Variants in EFNA5 observed in about 807,000 individuals in gnomAD.
EFNA5 encodes the protein ephrin-A5.
A neutral mutation model predicts 22.9 loss-of-function variants in EFNA5; 5 were observed. That is an observed-to-expected ratio of 0.22 (90% CI 0.11 to 0.46). EFNA5 has a LOEUF of 0.46. Ranked by LOEUF, EFNA5 falls within the 20% of genes least tolerant of loss-of-function variation. The pLI is 0.99. For synonymous variants in EFNA5, 113 were observed against 112.2 expected, an observed-to-expected ratio of 1.01 and a Z score of -0.04; for missense variants, 237 against 293.3, an observed-to-expected ratio of 0.81 and a Z score of 1.40.
At chr5:107,525,779 G>C (rs889767562) in intron 1 of EFNA5, among the ~76,000 whole-genome samples, 1 of 152,020 alleles carries the variant, frequency 6.6e-6, no homozygotes, top group African/African-American at 2.4e-5. Context: ...AGGTGGAAGA[G>C]GCTGAAGGGG....
At chr5:107,661,141 GAAGA>G (rs1395938234) in intron 1 of EFNA5, among the ~76,000 whole-genome samples, 16 of 129,814 alleles carry the variant, frequency 1.2e-4, no homozygotes, top group Middle Eastern at 4.4e-3. Flanking sequence ...AGAAGAAGAA[GAAGA>G]AAAAAAAAGT....
intron 1 of EFNA5, among the ~76,000 whole-genome samples, chr5:107,664,278 A>G (rs991617742): frequency 2.0e-5 from 3 of 151,682 alleles, no homozygotes; most frequent in African/African-American, 7.3e-5. Flanking sequence ...TTGTAGTCAG[A>G]AAAAACTTGA....
intron 1 of EFNA5, among the ~76,000 whole-genome samples, chr5:107,642,894 G>T (rs1052847507): frequency 1.4e-5 from 2 of 147,796 alleles, no homozygotes; most frequent in Non-Finnish European, 1.5e-5. Flanking sequence ...TTTGTGTTTT[G>T]TGTGTCATCT....
At chr5:107,650,211 A>C (rs1750702114) in intron 1 of EFNA5, among the ~76,000 whole-genome samples, 1 of 152,232 alleles carries the variant, frequency 6.6e-6, no homozygotes, top group Admixed American at 6.5e-5. Context: ...TGAATTGCCT[A>C]ATGTTTGCAG....
chr5:107,583,135 C>G (rs906846703), intron 1 of EFNA5, among the ~76,000 whole-genome samples: 2 of 151,992 alleles, frequency 1.3e-5, no homozygotes, highest in Admixed American at 1.3e-4. Context: ...TACAAAGATC[C>G]AAGGATCTCA....
At chr5:107,469,207 T>A (rs1482055603) in intron 1 of EFNA5, among the ~76,000 whole-genome samples, 6 of 152,114 alleles carry the variant, frequency 3.9e-5, no homozygotes, top group Non-Finnish European at 8.8e-5. Flanking sequence ...CAGCCCAGCA[T>A]CCATGAAGCT....
chr5:107,452,068 T>C lies in EFNA5; in HGVS notation c.126-24559A>G, dbSNP rs1419873151. ...CATAAAAAGGAATGAGATCGTGTCC[T>C]TGATAAAGCTGGAAGCCATTATCCT... On this transcript the variant is annotated intron_variant, in intron 1 of 4. Transcript: ENST00000333274. Among the ~76,000 whole-genome samples, 3 of 152,214 alleles carry C rather than the reference T, an allele frequency of 2.0e-5. No individual in the cohort carries two copies. The East Asian group carries it at 5.8e-4, about 29-fold the overall frequency.
chr5:107,613,182 C>T (rs747926598), intron 1 of EFNA5, among the ~76,000 whole-genome samples: 2 of 151,960 alleles, frequency 1.3e-5, no homozygotes, highest in African/African-American at 2.4e-5. Flanking sequence ...TGAATTATAT[C>T]ACTAAGTTTA....
At chr5:107,411,900 T>C (rs1748377464) in intron 2 of EFNA5, among the ~76,000 whole-genome samples, 1 of 152,260 alleles carries the variant, frequency 6.6e-6, no homozygotes. Flanking sequence ...CTGAAGTTGA[T>C]AAATGTTGTT....
At chr5:107,615,219 A>C (rs1283168625) in intron 1 of EFNA5, among the ~76,000 whole-genome samples, 5 of 152,170 alleles carry the variant, frequency 3.3e-5, no homozygotes, top group Non-Finnish European at 7.4e-5. Flanking sequence ...CTGGCTTGTC[A>C]GACTAAAGTA....
At chr5:107,397,343 G>T (rs1447480396) in intron 2 of EFNA5, among the ~76,000 whole-genome samples, 1 of 152,070 alleles carries the variant, frequency 6.6e-6, no homozygotes, top group South Asian at 2.1e-4. Context: ...TAGGTCTGGA[G>T]TTCAACACCA....
At chr5:107,530,560 G>A (rs1248454862) in intron 1 of EFNA5, among the ~76,000 whole-genome samples, 1 of 152,172 alleles carries the variant, frequency 6.6e-6, no homozygotes, top group Non-Finnish European at 1.5e-5. Context: ...ATTTCAAATG[G>A]CCTGCAGAAA....
At chr5:107,536,213 A>G (rs1408061974) in intron 1 of EFNA5, among the ~76,000 whole-genome samples, 2 of 152,230 alleles carry the variant, frequency 1.3e-5, no homozygotes, top group Admixed American at 6.5e-5. Context: ...TTTAATAATA[A>G]GACATTAAAT....
intron 1 of EFNA5, among the ~76,000 whole-genome samples, chr5:107,648,087 T>G (rs986024421): frequency 6.6e-6 from 1 of 152,182 alleles, no homozygotes; most frequent in African/African-American, 2.4e-5. Context: ...GTTTAACTGA[T>G]TTTTTGCCTA....
At chr5:107,623,877 A>C (rs1432965231) in intron 1 of EFNA5, among the ~76,000 whole-genome samples, 1 of 152,168 alleles carries the variant, frequency 6.6e-6, no homozygotes, top group Admixed American at 6.5e-5. Flanking sequence ...TTCTTTGAAC[A>C]GGGCTGTATT....
intron 1 of EFNA5, among the ~76,000 whole-genome samples, chr5:107,587,670 C>A (rs1366258450): frequency 6.6e-6 from 1 of 152,162 alleles, no homozygotes; most frequent in Non-Finnish European, 1.5e-5. Context: ...GTGCCCACCA[C>A]CACGCCCAGC....
intron 1 of EFNA5, among the ~76,000 whole-genome samples, chr5:107,569,068 C>T (rs1020073017): frequency 2.6e-5 from 4 of 152,114 alleles, no homozygotes; most frequent in African/African-American, 4.8e-5. Context: ...AGCAAAGATA[C>T]GCATAGTTAA....
intron 1 of EFNA5, among the ~76,000 whole-genome samples, chr5:107,566,875 T>A (rs1267675348): frequency 1.3e-5 from 2 of 152,258 alleles, no homozygotes; most frequent in African/African-American, 4.8e-5. Context: ...TGTCCTTAAA[T>A]GCAATCCTTT....
chr5:107,494,338 G>C (rs997833500), intron 1 of EFNA5, among the ~76,000 whole-genome samples: 13 of 152,222 alleles, frequency 8.5e-5, no homozygotes, highest in Admixed American at 8.5e-4. Flanking sequence ...CCTGCACTGG[G>C]AGCAGCCGGC....
Sources: gnomAD v4.1 joint callset for allele counts (sites outside exome capture counted in the v4.1 genomes callset) on GRCh38, gnomAD v4.1.1 for gene constraint, MANE v1.5 for transcripts, NCBI Gene and HGNC (gene_info 2026-07-23, HGNC 2026-07-21) for gene names.